Variants in MYO1F observed in about 807,000 individuals in gnomAD.
MYO1F encodes myosin IF.
In MYO1F, 60 loss-of-function variants were observed where a neutral mutation model predicts 146.6. The observed-to-expected ratio is 0.41, with a 90% CI of 0.33 to 0.51. The LOEUF (loss-of-function observed/expected upper bound fraction) is 0.51, where lower values mean the gene tolerates loss of function less well. Ranked by LOEUF, MYO1F falls within the 20% of genes least tolerant of loss-of-function variation. The probability of loss-of-function intolerance (pLI) is 0.25; values close to 1 mark genes in which losing one functional copy is unlikely to be tolerated. For synonymous variants in MYO1F, 602 were observed against 602.1 expected (o/e 1.00, Z 0.00); for missense variants, 1,274 against 1,534.3 (o/e 0.83, Z 2.83).
chr19:8,575,442 G>A (rs1460499651), intron 1 of MYO1F, among the ~76,000 whole-genome samples: 1 of 151,900 alleles, frequency 6.6e-6, no homozygotes, highest in Non-Finnish European at 1.5e-5. Flanking sequence ...AACAGGGTTT[G>A]CGATCCTGTG....
rs764780651 is a variant in MYO1F, at chr19:8,554,772, T to G, written c.142-29A>C. On this transcript the variant is annotated intron_variant, in intron 2 of 27. Transcript: ENST00000644032. Reference sequence around the variant, plus strand: ...AGGGATGGTTAAGGGTCGTGTGGTGTCCTGGTAGGTTTTGTCCTCCCTGTC... The same window carrying G: ...AGGGATGGTTAAGGGTCGTGTGGTGGCCTGGTAGGTTTTGTCCTCCCTGTC... 8 of 1,607,186 alleles carry G rather than the reference T, an allele frequency of 5.0e-6. No individual in the cohort carries two copies. In the East Asian group the frequency reaches 1.8e-4, roughly 36 times the overall value.
chr19:8,574,668 TC>T lies in MYO1F; in HGVS notation c.3+2638del, dbSNP rs1345212613. The stretch of plus-strand genomic sequence containing the variant: ...TTCCTTTCTTTCTCTTTCTTCTTTC[TC>T]TCTTTCTTTCTTTCTTCCTTTCTCT... On this transcript the variant is annotated intron_variant, in intron 1 of 27. Coordinates refer to ENST00000644032, the MANE Select transcript of MYO1F (RefSeq NM_012335.4). Among the ~76,000 whole-genome samples the T allele has an allele frequency of 1.2e-4, 16 of 136,304 alleles. 1 individual carries two copies. In the Middle Eastern group the frequency reaches 0.025, roughly 211 times the overall value. 89.4% of individuals were successfully genotyped at this position (136,304 alleles called of 152,430 possible). A position where few individuals can be genotyped will look rare whatever the true frequency, so the allele number is the denominator to read the frequency against.
In MYO1F at chr19:8,526,570, C is replaced by T. The variant is rs766015470; in HGVS notation, c.2653G>A (p.Gly885Ser). ...GTGACGCTGCGGGTGCCGCCACCGC[C>T]CCAGCCCTCCTTCTTCACCCGAAAC... is the stretch of plus-strand genomic sequence containing the variant. ...LQFRVKKEGWGGGGTRSVTFS... is the reference protein window; with the variant it reads ...LQFRVKKEGWSGGGTRSVTFS... Residue 885 changes from glycine to serine, a missense_variant, in exon 24 of 28, where the codon GGC (glycine) becomes AGC (serine). Gly to Ser is a moderately conservative substitution (Grantham distance 56). This residue lies in a region of MYO1F where 374 missense variants were observed against 379.2 expected (regional missense o/e 0.99). Coordinates refer to ENST00000644032, the MANE Select transcript of MYO1F (RefSeq NM_012335.4). The T allele has an allele frequency of 1.6e-5, 25 of 1,598,082 alleles. No homozygotes were observed. The South Asian group carries it at 2.3e-4, about 15-fold the overall frequency.
rs767959721 is a variant in MYO1F at position 8,521,508 on chromosome 19, G to A, written c.*20C>T. 6.2e-7 allele frequency: 1 copy of A among 1,611,368 alleles called. No individual in the cohort carries two copies. Among genetic ancestry groups the A allele is most frequent in the African/African-American group, 1.3e-5 (1 of 74,894 alleles). On this transcript the variant is annotated 3_prime_UTR_variant, in exon 28 of 28. Coordinates refer to ENST00000644032, the MANE Select transcript of MYO1F (RefSeq NM_012335.4). ...GGCAGATAGGCGGGCGAAAGAGAAG[G>A]CAGTATCCCAGGGCCCAGCTCAGAT... is the stretch of plus-strand genomic sequence containing the variant.
At chr19:8,565,821 G>A (rs950471031) in intron 1 of MYO1F, among the ~76,000 whole-genome samples, 10 of 151,934 alleles carry the variant, frequency 6.6e-5, no homozygotes, top group Non-Finnish European at 1.2e-4. Context: ...CCGGGTGGTG[G>A]CTCACACCTG....
intron 8 of MYO1F, chr19:8,551,412 T>C (rs1308587779): frequency 8.5e-6 from 3 of 354,384 alleles, no homozygotes; most frequent in Non-Finnish European, 1.6e-5. Context: ...AGTGCAGTAG[T>C]GTGATCTCGG....
intron 19 of MYO1F, among the ~76,000 whole-genome samples, chr19:8,531,159 TC>T (rs1972472202): frequency 1.3e-5 from 2 of 151,422 alleles, no homozygotes; most frequent in African/African-American, 4.8e-5. Context: ...ACCAGCCTGA[TC>T]AACATGGAGA....
rs201645601 is a variant in MYO1F, at chr19:8,525,535, C to T, written c.2798G>A (p.Gly933Glu). ...GGCTTGGGACGACCTCCGAGGTTTT[C>T]CCTTGGCCATTCCCTTCCGCGTAGG... ...SKPTRKGMAK[G>E]KPRRSSQAPT... is the part of the protein sequence containing the mutation. The change falls in exon 25 of 28, where the codon GGA becomes GAA. Residue 933 changes from glycine (G) to glutamate (E), a missense_variant. By Grantham distance (98) the Gly-to-Glu change is moderately conservative (BLOSUM62 -2). Transcript: ENST00000644032. 80 of 1,613,494 alleles carry T rather than the reference C, an allele frequency of 5.0e-5. No individual in the cohort carries two copies. The highest frequency in any genetic ancestry group is 6.4e-5 in the Non-Finnish European group (76 of 1,179,978).
intron 25 of MYO1F, 123 bp downstream of exon 25, chr19:8,525,356 A>G (rs1037198619): frequency 5.7e-5 from 47 of 824,406 alleles, no homozygotes; most frequent in Non-Finnish European, 7.3e-5. Context: ...GGAGCTACGG[A>G]GAGTCCTGGA....
intron 14 of MYO1F, chr19:8,544,041 C>CAG: frequency 4.7e-6 from 1 of 211,936 alleles, no homozygotes; most frequent in East Asian, 1.0e-4. Context: ...GGTGGCGGTG[C>CAG]TGGTGGTGGT....
rs147079181 is a variant in MYO1F at position 8,573,117 on chromosome 19, G to T, written c.3+4190C>A. On this transcript the variant is annotated intron_variant, in intron 1 of 27. Coordinates refer to ENST00000644032, the MANE Select transcript of MYO1F (RefSeq NM_012335.4). The stretch of plus-strand genomic sequence containing the variant: ...AGGTCAGGAGATCGAGACCATCCTT[G>T]CTAACACGGTGAAACCCCATCTCTA... Among the ~76,000 whole-genome samples the T allele has an allele frequency of 5.0e-3, 766 of 152,212 alleles. 3 individuals carry two copies. The highest frequency in any genetic ancestry group is 0.01 in the Middle Eastern group (3 of 294).
Position 8,544,404 on chromosome 19 carries a change from C to A in MYO1F, c.1417G>T (p.Gly473Trp), listed in dbSNP as rs773405214. 6 of 1,612,782 alleles carry A rather than the reference C, an allele frequency of 3.7e-6. No individual in the cohort carries two copies. The Admixed American group carries it at 8.3e-5, about 22-fold the overall frequency. The change falls in exon 14 of 28, where the codon GGG becomes TGG. Residue 473 changes from glycine to tryptophan, a missense_variant. By Grantham distance (184) the Gly-to-Trp change is radical. Coordinates refer to ENST00000644032, the MANE Select transcript of MYO1F (RefSeq NM_012335.4). ...TGCAGCAGTGTCTGGTCTGCTCCCC[C>A]GCCCGTGGCGTGCATGGTGGCGCAC... ...DVCATMHATG[G>W]GADQTLLQKL...
chr19:8,525,223 G>A (rs1470958219), intron 25 of MYO1F: 10 of 191,798 alleles, frequency 5.2e-5, no homozygotes, highest in South Asian at 1.8e-4. Flanking sequence ...AAAAAAAAAA[G>A]ATGTAGTTTA....
Position 8,527,450 on chromosome 19 carries a change from A to G in MYO1F, c.2362T>C (p.Cys788Arg). 6.2e-7 allele frequency: 1 copy of G among 1,613,882 alleles called. No homozygotes were observed. ...TTCTCTCGCCCAATCACATACACAC[A>G]CTTGGGCGTCAGGATCAAGTCCCGC... is the stretch of plus-strand genomic sequence containing the variant. ...IKRDLILTPK[C>R]VYVIGREKVK... The change falls in exon 22 of 28, where the codon TGT (cysteine) becomes CGT (arginine). Residue 788 changes from cysteine to arginine, a missense_variant. Transcript: ENST00000644032.
At chr19:8,523,367 C>T (rs1476143229) in intron 25 of MYO1F, among the ~76,000 whole-genome samples, 1 of 151,582 alleles carries the variant, frequency 6.6e-6, no homozygotes, top group African/African-American at 2.4e-5. Context: ...TATTTTGAGA[C>T]ATGGTCTCAC....
chr19:8,536,244 A>G lies in MYO1F; in HGVS notation c.2043+8T>C, dbSNP rs762522663. On this transcript the variant is annotated splice_region_variant and intron_variant, in intron 19 of 27. Coordinates refer to ENST00000644032, the MANE Select transcript of MYO1F (RefSeq NM_012335.4). ...CTCCTTCTCTGCCTGTCCCTCAAAC[A>G]CACTCACCGACTCTGGGTTCTTGAC... The G allele has an allele frequency of 1.2e-6, 2 of 1,603,074 alleles. No individual in the cohort carries two copies. Among genetic ancestry groups the G allele is most frequent in the Non-Finnish European group, 8.5e-7 (1 of 1,179,902 alleles).
chr19:8,536,851 G>A, intron 17 of MYO1F, 98 bp downstream of exon 17: 1 of 853,100 alleles, frequency 1.2e-6, no homozygotes. Context: ...CTAGTCCCTG[G>A]GTCATCCTAC....
At position 8,548,265 on chromosome 19, in the gene MYO1F, A is replaced by G; in HGVS notation, c.1154T>C (p.Leu385Pro). The change falls in exon 11 of 28, where the codon CTG becomes CCG. Residue 385 changes from leucine (L) to proline (P), a missense_variant. Around this residue, in one of 2 missense-constraint regions of MYO1F, gnomAD observed 900 missense variants for 1,155.1 expected, o/e 0.78. Coordinates refer to ENST00000644032, the MANE Select transcript of MYO1F (RefSeq NM_012335.4). Reference protein sequence around the residue: ...KPQEEYSIGVLDIYGFEIFQK... With the variant: ...KPQEEYSIGVPDIYGFEIFQK... ...GAAGATCTCGAAGCCGTAAATGTCC[A>G]GCACACCGATGCTGTACTCTTCCTG... 1.2e-6 allele frequency: 2 copies of G among 1,613,966 alleles called. No homozygotes were observed. The highest frequency in any genetic ancestry group is 1.7e-6 in the Non-Finnish European group (2 of 1,179,984).
chr19:8,544,065 G>GTGCTGGTGGTGC, intron 14 of MYO1F: 1 of 598,026 alleles, frequency 1.7e-6, no homozygotes, highest in South Asian at 1.9e-5. Flanking sequence ...GGTGGTGGTG[G>GTGCTGGTGGTGC]TGGTGTCCAG....
Sources: allele counts gnomAD v4.1 joint callset (sites outside exome capture counted in the v4.1 genomes callset), GRCh38; gene constraint gnomAD v4.1.1; regional missense constraint gnomAD v4.1.1; transcripts MANE v1.5; gene names NCBI Gene and HGNC (gene_info 2026-07-23, HGNC 2026-07-21).